The following CDK13 variants were observed in gnomAD, a reference collection of about 807,000 sequenced individuals.
The protein encoded by CDK13 is cyclin dependent kinase 13.
A neutral mutation model predicts 137.6 loss-of-function variants in CDK13; 40 were observed. The observed-to-expected ratio is 0.29, with a 90% CI of 0.23 to 0.38. The LOEUF is 0.38. Ranked by LOEUF, CDK13 falls within the 10% of genes least tolerant of loss-of-function variation. The pLI, the probability that CDK13 is intolerant of heterozygous loss-of-function variation, is 1.00. For missense variants in CDK13, 1,704 were observed against 1,951.8 expected (o/e 0.87, Z 2.39); for synonymous variants, 869 against 760.1 (o/e 1.14, Z -2.36).
At chr7:39,995,425 TTCAGGTGATA>T (rs1308135803) in intron 2 of CDK13, among the ~76,000 whole-genome samples, 1 of 152,186 alleles carries the variant, frequency 6.6e-6, no homozygotes, top group Non-Finnish European at 1.5e-5. Context: ...TCAGTTGGCA[TTCAGGTGATA>T]CCTTTTCTAG....
chr7:40,083,133 A>AC lies in CDK13; in HGVS notation c.3029+4284dup, dbSNP rs370224545. ...AAAAAAAAAAAAAAAGATTCTAATG[A>AC]CCTTCTAGGTGTTAAGATTCTTTCT... On this transcript the variant is annotated intron_variant, in intron 11 of 13. Transcript: ENST00000181839. Among the ~76,000 whole-genome samples, 384 of 150,120 alleles carry AC rather than the reference A, an allele frequency of 2.6e-3. 1 individual carries two copies. The highest frequency in any genetic ancestry group is 8.9e-3 in the African/African-American group (364 of 40,904).
rs866695558 is a variant in CDK13, at chr7:39,950,513, G to A, written c.-129G>A. ...GAGTCCCGACCCGGATTATCGTGGC[G>A]CTTTTCCCGGCCGGCTCTGGTGCTC... On this transcript the variant is annotated 5_prime_UTR_variant, in exon 1 of 14. Transcript: ENST00000181839. The A allele has an allele frequency of 3.2e-6, 4 of 1,266,678 alleles. No individual in the cohort carries two copies. Among genetic ancestry groups the A allele is most frequent in the Middle Eastern group, 3.0e-4 (1 of 3,320 alleles). The allele number at this position is 1,266,678 out of a possible 1,614,324, so 78.5% of individuals were successfully genotyped here.
intron 5 of CDK13, among the ~76,000 whole-genome samples, chr7:40,020,581 T>C (rs17526699): frequency 0.27 from 40,688 of 152,176 alleles, 6,582 homozygotes; most frequent in Middle Eastern, 0.45. Context: ...TAGAATGTTA[T>C]TGAGGTTACA....
At chr7:40,022,566 T>C (rs189413449) in intron 5 of CDK13, among the ~76,000 whole-genome samples, 2 of 152,108 alleles carry the variant, frequency 1.3e-5, no homozygotes, top group Non-Finnish European at 2.9e-5. Flanking sequence ...TCTAGGTGTT[T>C]GGAATAGACA....
Position 40,010,142 on chromosome 7 carries a change from C to T in CDK13, c.2353+8111C>T, listed in dbSNP as rs577623000. ...CGTAATATAATAAAATAATTAACAA[C>T]TCACCATAATGTTGAATCACTGGGA... On this transcript the variant is annotated intron_variant, in intron 5 of 13. Coordinates refer to ENST00000181839, the MANE Select transcript of CDK13 (RefSeq NM_003718.5). Among the ~76,000 whole-genome samples the T allele has an allele frequency of 2.0e-5, 3 of 152,214 alleles. No individual in the cohort carries two copies. In the South Asian group the frequency reaches 6.2e-4, roughly 32 times the overall value.
At position 39,951,566 on chromosome 7, in the gene CDK13, G is replaced by T; in HGVS notation, c.925G>T (p.Ala309Ser). Residue 309 changes from alanine to serine, a missense_variant, in exon 1 of 14, where the codon GCC becomes TCC. Coordinates refer to ENST00000181839, the MANE Select transcript of CDK13 (RefSeq NM_003718.5). ...AYREDKTEPK[A>S]YRRRRSLSPL... Reference sequence around the variant, plus strand: ...CCGGGAGGACAAGACCGAGCCTAAGGCCTACAGGCGGCGGCGGTCCCTCAG... The same window carrying T: ...CCGGGAGGACAAGACCGAGCCTAAGTCCTACAGGCGGCGGCGGTCCCTCAG... 1 of 1,524,028 alleles carries T rather than the reference G, an allele frequency of 6.6e-7. No individual in the cohort carries two copies. The highest frequency in any genetic ancestry group is 8.8e-7 in the Non-Finnish European group (1 of 1,137,878). The allele number at this position is 1,524,028 out of a possible 1,614,324, so 94.4% of individuals were successfully genotyped here. A position where few individuals can be genotyped will look rare whatever the true frequency, so the allele number is the denominator to read the frequency against.
intron 5 of CDK13, among the ~76,000 whole-genome samples, chr7:40,019,309 A>G (rs772717394): frequency 2.1e-4 from 32 of 152,216 alleles, no homozygotes; most frequent in South Asian, 8.3e-4. Flanking sequence ...TGTAAAAGAA[A>G]ATTTTCTGTT....
intron 13 of CDK13, 32 bp downstream of exon 13, chr7:40,093,269 G>A (rs1271208140): frequency 6.6e-7 from 1 of 1,514,360 alleles, no homozygotes; most frequent in South Asian, 1.2e-5. Flanking sequence ...CACTAACACA[G>A]CTGCATTACA....
intron 1 of CDK13, among the ~76,000 whole-genome samples, chr7:39,978,815 A>AC (rs773545808): frequency 4.6e-5 from 7 of 152,254 alleles, no homozygotes; most frequent in Non-Finnish European, 1.0e-4. Context: ...GTAAGGCTCT[A>AC]GAGAGTATGA....
intron 12 of CDK13, among the ~76,000 whole-genome samples, chr7:40,088,845 T>A (rs557154414): frequency 6.6e-6 from 1 of 151,606 alleles, no homozygotes; most frequent in East Asian, 2.0e-4. Context: ...TTTGGGAGAC[T>A]GAGGCGGATG....
At chr7:39,981,827 T>C (rs1197561575) in intron 1 of CDK13, among the ~76,000 whole-genome samples, 1 of 149,844 alleles carries the variant, frequency 6.7e-6, no homozygotes, top group Non-Finnish European at 1.5e-5. Context: ...AGTCTCGCTC[T>C]GTCACCCAGG....
rs1049838213 is a variant in CDK13, at chr7:40,028,973, T to C, written c.2354-16863T>C. ...AAAGGAAAACAGAAATGGAAAAATATATTAGATATATGGTTGACCCTTGAA... is the reference window on the plus strand; with the variant it reads ...AAAGGAAAACAGAAATGGAAAAATACATTAGATATATGGTTGACCCTTGAA... On this transcript the variant is annotated intron_variant, in intron 5 of 13. Coordinates refer to ENST00000181839, the MANE Select transcript of CDK13 (RefSeq NM_003718.5). Among the ~76,000 whole-genome samples, 22 of 152,148 alleles carry C rather than the reference T, an allele frequency of 1.4e-4. No individual in the cohort carries two copies. In the Middle Eastern group the frequency reaches 0.014, roughly 94 times the overall value.
chr7:39,978,814 T>C (rs1784163160), intron 1 of CDK13, among the ~76,000 whole-genome samples: 1 of 152,190 alleles, frequency 6.6e-6, no homozygotes, highest in Admixed American at 6.5e-5. Context: ...AGTAAGGCTC[T>C]AGAGAGTATG....
intron 5 of CDK13, among the ~76,000 whole-genome samples, chr7:40,002,634 A>G (rs904553619): frequency 1.3e-5 from 2 of 152,178 alleles, no homozygotes; most frequent in African/African-American, 4.8e-5. Context: ...ATCTTCATAA[A>G]ATCTTAAATC....
At chr7:40,004,254 G>A (rs559309724) in intron 5 of CDK13, among the ~76,000 whole-genome samples, 194 of 152,124 alleles carry the variant, frequency 1.3e-3, no homozygotes, top group African/African-American at 4.5e-3. Flanking sequence ...CAGAGCCTTT[G>A]TATTTTGCTT....
At chr7:40,018,909 C>T (rs1228406293) in intron 5 of CDK13, among the ~76,000 whole-genome samples, 5 of 152,038 alleles carry the variant, frequency 3.3e-5, no homozygotes, top group African/African-American at 1.2e-4. Context: ...TTAAAGTAAT[C>T]AGGACTAGAT....
intron 1 of CDK13, among the ~76,000 whole-genome samples, chr7:39,971,762 A>C (rs1018023589): frequency 6.6e-6 from 1 of 152,154 alleles, no homozygotes. Context: ...GGGCGCCTAT[A>C]GTCCCAGCTA....
intron 5 of CDK13, among the ~76,000 whole-genome samples, chr7:40,016,897 A>G (rs949885251): frequency 1.3e-5 from 2 of 152,112 alleles, no homozygotes; most frequent in African/African-American, 4.8e-5. Context: ...AGTTAAAACA[A>G]TGGAAATATG....
intron 5 of CDK13, among the ~76,000 whole-genome samples, chr7:40,025,277 A>C (rs972119078): frequency 6.6e-6 from 1 of 152,212 alleles, no homozygotes; most frequent in African/African-American, 2.4e-5. Context: ...CAGTGGTATT[A>C]ATAAATTTCC....
Sources: allele counts gnomAD v4.1 joint callset (sites outside exome capture counted in the v4.1 genomes callset), GRCh38; gene constraint gnomAD v4.1.1; transcripts MANE v1.5; gene names NCBI Gene and HGNC (gene_info 2026-07-23, HGNC 2026-07-21).